Variants in ADGRV1 observed in about 807,000 individuals in gnomAD.
ADGRV1 encodes G-protein coupled receptor 98.
Under a neutral mutation model 596.2 loss-of-function variants are expected in ADGRV1, and 359 were observed. That is an observed-to-expected ratio of 0.60 (90% CI 0.55 to 0.66). The LOEUF (loss-of-function observed/expected upper bound fraction) is 0.66, where lower values mean the gene tolerates loss of function less well. Ranked by LOEUF, ADGRV1 falls within the 30% of genes least tolerant of loss-of-function variation. The pLI is 0.00. For missense variants in ADGRV1, 7,274 were observed against 7,575.6 expected (o/e 0.96, Z 1.48); for synonymous variants, 2,681 against 2,679.2 (o/e 1.00, Z -0.02).
At chr5:90,709,013 G>T (rs2149708115) in intron 39 of ADGRV1, 104 bp downstream of exon 39, 1 of 756,258 alleles carries the variant, frequency 1.3e-6, no homozygotes, top group Admixed American at 2.4e-5. Context: ...GTTAATCTTA[G>T]CTATGTGTTA....
rs1301682063 is a variant in ADGRV1 at position 90,675,306 on chromosome 5, G to A, written c.5174G>A (p.Ser1725Asn). 2 of 1,613,836 alleles carry A rather than the reference G, an allele frequency of 1.2e-6. No individual in the cohort carries two copies. Among genetic ancestry groups the A allele is most frequent in the Admixed American group, 3.3e-5 (2 of 59,958 alleles). Residue 1725 changes from serine (S) to asparagine (N), a missense_variant, in exon 24 of 90, where the codon AGC (serine) becomes AAC (asparagine). By Grantham distance (46) the Ser-to-Asn change is conservative. This residue lies in a region of ADGRV1 where 3,643 missense variants were observed against 3,809.2 expected (regional missense o/e 0.96). Transcript: ENST00000405460. Reference sequence around the variant, plus strand: ...AAGGACGCAATGACCCTGCCTGCAAGCAGCGTTCCACATATCACTGTGGAG... The same window carrying A: ...AAGGACGCAATGACCCTGCCTGCAAACAGCGTTCCACATATCACTGTGGAG... ...QPKDAMTLPA[S>N]SVPHITVEEE...
chr5:90,757,771 A>G (rs1171191422), intron 57 of ADGRV1, among the ~76,000 whole-genome samples: 1 of 152,230 alleles, frequency 6.6e-6, no homozygotes, highest in Non-Finnish European at 1.5e-5. Flanking sequence ...TGTAAGAATA[A>G]GATGTTTTCA....
chr5:90,988,275 T>C (rs963231671), intron 85 of ADGRV1, among the ~76,000 whole-genome samples: 1 of 152,220 alleles, frequency 6.6e-6, no homozygotes, highest in African/African-American at 2.4e-5. Context: ...TCATTATACA[T>C]AGTTCAGTAT....
chr5:90,819,830 T>A (rs1763295970), intron 75 of ADGRV1, among the ~76,000 whole-genome samples: 1 of 152,204 alleles, frequency 6.6e-6, no homozygotes, highest in Non-Finnish European at 1.5e-5. Flanking sequence ...AGAGCTTTAC[T>A]TCCAAGTACG....
rs1755698479 is a variant in ADGRV1, at chr5:90,755,174, T to A, written c.11569T>A (p.Ser3857Thr). Residue 3857 changes from serine (S) to threonine (T), a missense_variant, in exon 55 of 90, where the codon TCC (serine) becomes ACC (threonine). Coordinates refer to ENST00000405460, the MANE Select transcript of ADGRV1 (RefSeq NM_032119.4). Reference sequence around the variant, plus strand: ...CATAAAAGAAGCTCATGCCGAAGTTTCCATTTTGCCGGTAAGTCAAGGCTG... The same window carrying A: ...CATAAAAGAAGCTCATGCCGAAGTTACCATTTTGCCGGTAAGTCAAGGCTG... Reference protein sequence around the residue: ...ENIKEAHAEVSILPDDLPELE... With the variant: ...ENIKEAHAEVTILPDDLPELE... 1 of 1,600,374 alleles carries A rather than the reference T, an allele frequency of 6.2e-7. No homozygotes were observed. Among genetic ancestry groups the A allele is most frequent in the African/African-American group, 1.3e-5 (1 of 74,604 alleles).
intron 50 of ADGRV1, among the ~76,000 whole-genome samples, chr5:90,731,486 G>C (rs1752541061): frequency 1.3e-5 from 2 of 152,190 alleles, no homozygotes; most frequent in African/African-American, 2.4e-5. Flanking sequence ...GGTAGAATTG[G>C]AGTGATTAAG....
chr5:90,676,035 A>G, intron 24 of ADGRV1, 45 bp from the exon 25 acceptor site: 1 of 1,494,086 alleles, frequency 6.7e-7, no homozygotes, highest in Non-Finnish European at 9.1e-7. Context: ...ATCTATTCAT[A>G]TACAGAATGA....
chr5:90,694,393 A>G lies in ADGRV1; in HGVS notation c.7637A>G (p.His2546Arg), dbSNP rs747162301. Residue 2546 changes from histidine to arginine, a missense_variant, in exon 33 of 90, where the codon CAC becomes CGC. His to Arg is a conservative substitution (Grantham distance 29, BLOSUM62 0). This residue lies in a region of ADGRV1 where 3,643 missense variants were observed against 3,809.2 expected (regional missense o/e 0.96). Coordinates refer to ENST00000405460, the MANE Select transcript of ADGRV1 (RefSeq NM_032119.4). ...TTTCTAATTTCTCTCCTTGAAGTTCACCTCATGAACATTTCAGCCAGTTTG... is the reference window on the plus strand; with the variant it reads ...TTTCTAATTTCTCTCCTTGAAGTTCGCCTCATGAACATTTCAGCCAGTTTG... The part of the protein sequence containing the change: ...ESFLISLLEV[H>R]LMNISASLKN... 3 of 1,613,934 alleles carry G rather than the reference A, an allele frequency of 1.9e-6. No individual in the cohort carries two copies. Among genetic ancestry groups the G allele is most frequent in the South Asian group, 2.2e-5 (2 of 91,088 alleles).
intron 16 of ADGRV1, 110 bp from the exon 17 acceptor site, chr5:90,647,386 AAG>A: frequency 9.3e-7 from 1 of 1,071,886 alleles, no homozygotes; most frequent in East Asian, 2.5e-5. Context: ...TATTTTGGCA[AAG>A]ACACAGTACA....
At chr5:90,739,072 A>G (rs993196294) in intron 50 of ADGRV1, among the ~76,000 whole-genome samples, 1 of 151,652 alleles carries the variant, frequency 6.6e-6, no homozygotes. Flanking sequence ...TGCTTGATCA[A>G]GTCTGCTGTT....
intron 50 of ADGRV1, among the ~76,000 whole-genome samples, chr5:90,730,683 C>T (rs947142935): frequency 1.8e-4 from 28 of 152,234 alleles, no homozygotes; most frequent in African/African-American, 6.7e-4. Context: ...GGCAAGGAAT[C>T]CCTTGGGTGG....
Position 90,791,015 on chromosome 5 carries a change from A to G in ADGRV1, c.14186A>G (p.Asp4729Gly), listed in dbSNP as rs748121439. Residue 4729 changes from aspartate (D) to glycine (G), a missense_variant, in exon 70 of 90, where the codon GAT becomes GGT. This residue lies in a region of ADGRV1 where 1,874 missense variants were observed against 1,970.2 expected (regional missense o/e 0.95). Coordinates refer to ENST00000405460, the MANE Select transcript of ADGRV1 (RefSeq NM_032119.4). ...GATGAGGTACCTGAGATAGAGGAAGATTATGTGATCCAGCTTGTTTCTGTA... is the reference window on the plus strand; with the variant it reads ...GATGAGGTACCTGAGATAGAGGAAGGTTATGTGATCCAGCTTGTTTCTGTA... ...LPDEVPEIEE[D>G]YVIQLVSVEG... 7.4e-6 allele frequency: 12 copies of G among 1,613,968 alleles called. No individual in the cohort carries two copies. In the South Asian group the frequency reaches 1.3e-4, roughly 18 times the overall value.
intron 83 of ADGRV1, among the ~76,000 whole-genome samples, chr5:90,893,022 C>T (rs1343766552): frequency 6.6e-6 from 1 of 152,152 alleles, no homozygotes; most frequent in African/African-American, 2.4e-5. Flanking sequence ...GCAGCTTAAA[C>T]AACAATCATT....
chr5:90,860,787 G>A (rs1313328709), intron 82 of ADGRV1, among the ~76,000 whole-genome samples: 1 of 150,892 alleles, frequency 6.6e-6, no homozygotes, highest in Admixed American at 6.6e-5. Flanking sequence ...TGATAATTTG[G>A]TTTTATTTGG....
At chr5:90,813,960 T>A (rs547896735) in intron 74 of ADGRV1, among the ~76,000 whole-genome samples, 1 of 152,310 alleles carries the variant, frequency 6.6e-6, no homozygotes, top group Non-Finnish European at 1.5e-5. Context: ...TTATTGTAAA[T>A]GTGACAAGGG....
At chr5:91,100,016 A>G (rs2126635634) in intron 86 of ADGRV1, among the ~76,000 whole-genome samples, 1 of 152,298 alleles carries the variant, frequency 6.6e-6, no homozygotes, top group Admixed American at 6.5e-5. Flanking sequence ...GAATATTTGA[A>G]ACATCTTGGG....
intron 59 of ADGRV1, among the ~76,000 whole-genome samples, chr5:90,770,642 T>C (rs1757592310): frequency 6.6e-6 from 1 of 152,124 alleles, no homozygotes; most frequent in Admixed American, 6.6e-5. Context: ...GAAGTCTCTT[T>C]CCTACATCTT....
intron 87 of ADGRV1, among the ~76,000 whole-genome samples, chr5:91,143,803 G>C (rs760518941): frequency 1.2e-4 from 18 of 152,196 alleles, no homozygotes; most frequent in Non-Finnish European, 4.4e-5. Flanking sequence ...TCATGCCACT[G>C]TTCATGATGC....
intron 18 of ADGRV1, 149 bp from the exon 19 acceptor site, chr5:90,652,197 A>G (rs1316319489): frequency 2.1e-5 from 10 of 476,304 alleles, no homozygotes; most frequent in Non-Finnish European, 3.7e-6. Flanking sequence ...TTCTCTTCCC[A>G]TGAAATTCTT....
Sources: allele counts gnomAD v4.1 joint callset (sites outside exome capture counted in the v4.1 genomes callset), GRCh38; gene constraint gnomAD v4.1.1; regional missense constraint gnomAD v4.1.1; transcripts MANE v1.5; gene names NCBI Gene and HGNC (gene_info 2026-07-23, HGNC 2026-07-21).